The following SCAF8 variants were observed in gnomAD, a reference collection of about 807,000 sequenced individuals.
The protein encoded by SCAF8 is SR-related CTD associated factor 8, also known as SR-related and CTD-associated factor 8.
In SCAF8, 23 loss-of-function variants were observed where a neutral mutation model predicts 140.5. The observed-to-expected ratio is 0.16, with a 90% confidence interval of 0.12 to 0.23. The LOEUF (loss-of-function observed/expected upper bound fraction) is 0.23, where lower values mean the gene tolerates loss of function less well. SCAF8 is among the 10% of genes least tolerant of loss of function. The probability of loss-of-function intolerance (pLI) is 1.00; values close to 1 mark genes in which losing one functional copy is unlikely to be tolerated. For missense variants in SCAF8, 1,397 were observed against 1,555.7 expected, an observed-to-expected ratio of 0.90 and a Z score of 1.72; for synonymous variants, 575 against 528.9, an observed-to-expected ratio of 1.09 and a Z score of -1.20.
At chr6:154,761,215 C>G (rs1362867162) in intron 1 of SCAF8, among the ~76,000 whole-genome samples, 1 of 151,914 alleles carries the variant, frequency 6.6e-6, no homozygotes, top group South Asian at 2.1e-4. Context: ...ATGTTTTTTT[C>G]AAAGATGCTT....
chr6:154,747,498 A>G, intron 1 of SCAF8, among the ~76,000 whole-genome samples: 1 of 152,096 alleles, frequency 6.6e-6, no homozygotes, highest in Non-Finnish European at 1.5e-5. Flanking sequence ...GTGACAGAGC[A>G]AGACCCTATC....
chr6:154,739,631 C>T (rs553061259), intron 1 of SCAF8, among the ~76,000 whole-genome samples: 1 of 152,228 alleles, frequency 6.6e-6, no homozygotes, highest in East Asian at 1.9e-4. Flanking sequence ...ATTTAGGATA[C>T]CTAAATTCTT....
chr6:154,796,348 T>C (rs1777601943), intron 6 of SCAF8, among the ~76,000 whole-genome samples: 1 of 146,208 alleles, frequency 6.8e-6, no homozygotes, highest in African/African-American at 2.6e-5. Flanking sequence ...AGCATTGCAA[T>C]CCTGTTCTCT....
intron 1 of SCAF8, among the ~76,000 whole-genome samples, chr6:154,761,285 G>A (rs1351138378): frequency 1.3e-5 from 2 of 152,056 alleles, no homozygotes; most frequent in Non-Finnish European, 2.9e-5. Context: ...TTGGGAGTTC[G>A]AGACCGCCTG....
At chr6:154,779,560 T>A (rs916039647) in intron 3 of SCAF8, among the ~76,000 whole-genome samples, 1 of 152,180 alleles carries the variant, frequency 6.6e-6, no homozygotes, top group African/African-American at 2.4e-5. Context: ...GTTGACTGAT[T>A]TGATTTGTGG....
intron 1 of SCAF8, among the ~76,000 whole-genome samples, chr6:154,753,381 C>T (rs551141350): frequency 2.3e-4 from 35 of 152,232 alleles, no homozygotes; most frequent in African/African-American, 7.2e-4. Flanking sequence ...TCAGGAGAAT[C>T]GCTTGAACCT....
rs115795795 is a variant in SCAF8 at position 154,788,545 on chromosome 6, T to C, written c.321+523T>C. Reference sequence around the variant, plus strand: ...AGAGAGTATAGAAAGATGTAGCAGATTTGCTACTTTTTAATTTGTTGAAGC... The same window carrying C: ...AGAGAGTATAGAAAGATGTAGCAGACTTGCTACTTTTTAATTTGTTGAAGC... On this transcript the variant is annotated intron_variant, in intron 4 of 19. Transcript: ENST00000367178. Among the ~76,000 whole-genome samples the C allele has an allele frequency of 7.5e-3, 1,139 of 152,346 alleles. 17 individuals carry two copies. The highest frequency in any genetic ancestry group is 0.026 in the African/African-American group (1,084 of 41,580).
At chr6:154,775,773 TA>T (rs1438570958) in intron 2 of SCAF8, among the ~76,000 whole-genome samples, 9 of 151,884 alleles carry the variant, frequency 5.9e-5, no homozygotes, top group Non-Finnish European at 1.0e-4. Context: ...TAATGTTTTT[TA>T]AAAAGAGAAT....
At chr6:154,784,847 A>G (rs887897016) in intron 3 of SCAF8, among the ~76,000 whole-genome samples, 3 of 152,196 alleles carry the variant, frequency 2.0e-5, no homozygotes, top group African/African-American at 7.2e-5. Context: ...CATCTGTAGA[A>G]AAGTACAGAA....
intron 1 of SCAF8, among the ~76,000 whole-genome samples, chr6:154,746,136 T>C (rs139624630): frequency 1.3e-5 from 2 of 152,338 alleles, no homozygotes; most frequent in East Asian, 3.9e-4. Context: ...TCCATCTGCC[T>C]TGGCCTCCCA....
intron 8 of SCAF8, 49 bp from the exon 9 acceptor site, chr6:154,805,320 G>T (rs1031373033): frequency 9.6e-7 from 1 of 1,044,660 alleles, no homozygotes; most frequent in South Asian, 1.4e-5. Flanking sequence ...TATTTTCATA[G>T]TATCTTTAGT....
chr6:154,771,408 G>A (rs192268124), intron 1 of SCAF8, among the ~76,000 whole-genome samples: 3 of 152,250 alleles, frequency 2.0e-5, no homozygotes, highest in Non-Finnish European at 2.9e-5. Flanking sequence ...GAAAAAAGAC[G>A]ACTGTGTGTC....
intron 17 of SCAF8, 102 bp from the exon 18 acceptor site, chr6:154,827,070 C>G: frequency 3.3e-6 from 3 of 918,422 alleles, no homozygotes; most frequent in Non-Finnish European, 5.0e-6. Context: ...AGGTTGTAGT[C>G]CATTTTAAGA....
chr6:154,784,149 ATATAT>A (rs1482286197), intron 3 of SCAF8, among the ~76,000 whole-genome samples: 1 of 100,734 alleles, frequency 9.9e-6, no homozygotes, highest in Non-Finnish European at 2.0e-5. Context: ...ATATATATAT[ATATAT>A]ATATTTATTT....
intron 2 of SCAF8, 149 bp from the exon 3 acceptor site, chr6:154,777,852 G>C: frequency 1.6e-6 from 1 of 613,440 alleles, no homozygotes; most frequent in South Asian, 1.8e-5. Context: ...TGCATATAAA[G>C]GTGAGTGACA....
At chr6:154,762,350 T>C (rs1161230000) in intron 1 of SCAF8, among the ~76,000 whole-genome samples, 6 of 152,230 alleles carry the variant, frequency 3.9e-5, no homozygotes, top group African/African-American at 1.4e-4. Flanking sequence ...TTGGCTGAAT[T>C]CAGGTCCTTA....
intron 1 of SCAF8, among the ~76,000 whole-genome samples, chr6:154,735,266 C>T (rs972624213): frequency 6.6e-6 from 1 of 151,892 alleles, no homozygotes; most frequent in Admixed American, 6.6e-5. Flanking sequence ...TCTTAAAATA[C>T]GAGGCTTTTT....
intron 1 of SCAF8, among the ~76,000 whole-genome samples, chr6:154,769,701 A>G (rs1776680941): frequency 6.6e-6 from 1 of 152,246 alleles, no homozygotes; most frequent in Non-Finnish European, 1.5e-5. Context: ...AACAACTTTT[A>G]ATAAGGGGAC....
rs776902464 is a variant in SCAF8, at chr6:154,824,200, C to CG, written c.1927-34_1927-33insG. On this transcript the variant is annotated intron_variant, in intron 16 of 19. Transcript: ENST00000367178. ...TTGTTCCAAGATGCAGGTGAATAAACTGATGAGTGAACTTTTTTGTCTATC... is the reference window on the plus strand; with the variant it reads ...TTGTTCCAAGATGCAGGTGAATAAACGTGATGAGTGAACTTTTTTGTCTATC... 5 of 1,608,028 alleles carry CG rather than the reference C, an allele frequency of 3.1e-6. No individual in the cohort carries two copies. The Admixed American group carries it at 8.5e-5, about 27-fold the overall frequency.
Sources: allele counts gnomAD v4.1 joint callset (sites outside exome capture counted in the v4.1 genomes callset), GRCh38; gene constraint gnomAD v4.1.1; transcripts MANE v1.5; gene names NCBI Gene and HGNC (gene_info 2026-07-23, HGNC 2026-07-21).